The following TOM1 variants were observed in gnomAD, a reference collection of about 807,000 sequenced individuals.
The protein encoded by TOM1 is target of Myb protein 1.
Under a neutral mutation model 61.3 loss-of-function variants are expected in TOM1, and 38 were observed. The ratio of observed to expected loss-of-function variants is 0.62; its 90% CI spans 0.48 to 0.81. The LOEUF is 0.81. Ranked by LOEUF, TOM1 falls within the 40% of genes least tolerant of loss-of-function variation. TOM1 has a pLI of 0.00. For synonymous variants in TOM1, 270 were observed against 268.8 expected (o/e 1.00, Z -0.04); for missense variants, 591 against 659.6 (o/e 0.90, Z 1.14).
chr22:35,338,073 G>A (rs1293538759), intron 11 of TOM1, among the ~76,000 whole-genome samples: 3 of 152,102 alleles, frequency 2.0e-5, no homozygotes, highest in Non-Finnish European at 2.9e-5. Flanking sequence ...GCAACTGTGG[G>A]GTCAGCCTCT....
chr22:35,336,490 G>A (rs534011633), intron 11 of TOM1, among the ~76,000 whole-genome samples: 98 of 152,350 alleles, frequency 6.4e-4, no homozygotes, highest in Middle Eastern at 6.8e-3. Flanking sequence ...AGCTGGCACC[G>A]TCACAGCCTT....
chr22:35,333,583 T>G, intron 10 of TOM1, 86 bp downstream of exon 10: 2 of 1,180,466 alleles, frequency 1.7e-6, no homozygotes, highest in South Asian at 1.3e-5. Flanking sequence ...CCTTGTTATA[T>G]ACCCACAGCA....
At chr22:35,313,892 A>G (rs373916281) in intron 1 of TOM1, among the ~76,000 whole-genome samples, 8 of 152,246 alleles carry the variant, frequency 5.3e-5, no homozygotes, top group Non-Finnish European at 8.8e-5. Context: ...AGACAAGAGC[A>G]CAGCTGCTAC....
intron 1 of TOM1, among the ~76,000 whole-genome samples, chr22:35,304,136 T>C (rs202070444): frequency 6.6e-6 from 1 of 152,212 alleles, no homozygotes; most frequent in African/African-American, 2.4e-5. Flanking sequence ...TTTCCAGGGT[T>C]CCACAGCCAC....
chr22:35,342,146 A>T (rs1929927651), intron 12 of TOM1, among the ~76,000 whole-genome samples: 1 of 152,174 alleles, frequency 6.6e-6, no homozygotes, highest in African/African-American at 2.4e-5. Flanking sequence ...ATCTCAAAAA[A>T]AAAGAAACAG....
At chr22:35,332,148 G>A (rs1928893907) in intron 8 of TOM1, among the ~76,000 whole-genome samples, 2 of 152,114 alleles carry the variant, frequency 1.3e-5, no homozygotes, top group Admixed American at 6.5e-5. Context: ...TGGAAAGTGG[G>A]GGGTACCCTG....
Position 35,305,473 on chromosome 22 carries a change from A to G in TOM1, c.52+5493A>G, listed in dbSNP as rs1434940941. Among the ~76,000 whole-genome samples the G allele has an allele frequency of 4.6e-5, 7 of 152,146 alleles. No individual in the cohort carries two copies. In the East Asian group the frequency reaches 1.3e-3, roughly 29 times the overall value. ...TCAAGAAATTGAGACCATCCTGGCC[A>G]ACATGGTGAAACCCTGTCTCTACTA... On this transcript the variant is annotated intron_variant, in intron 1 of 14. Transcript: ENST00000449058.
At chr22:35,346,616 G>A (rs1930520623) in intron 13 of TOM1, among the ~76,000 whole-genome samples, 1 of 152,198 alleles carries the variant, frequency 6.6e-6, no homozygotes, top group African/African-American at 2.4e-5. Context: ...ACCAGGTGCT[G>A]GGCTTGGCGT....
At chr22:35,305,150 C>CT (rs1224598503) in intron 1 of TOM1, among the ~76,000 whole-genome samples, 1 of 152,354 alleles carries the variant, frequency 6.6e-6, no homozygotes, top group East Asian at 1.9e-4. Flanking sequence ...AAAGTGGACA[C>CT]TTAAGCGATG....
intron 12 of TOM1, among the ~76,000 whole-genome samples, chr22:35,341,940 C>T (rs1037163233): frequency 6.6e-6 from 1 of 152,118 alleles, no homozygotes; most frequent in East Asian, 1.9e-4. Flanking sequence ...AAGGCCTTCA[C>T]CCACTAAACC....
At chr22:35,305,900 T>C (rs1211160651) in intron 1 of TOM1, among the ~76,000 whole-genome samples, 2 of 102,724 alleles carry the variant, frequency 1.9e-5, no homozygotes, top group Non-Finnish European at 5.2e-5. Context: ...CCTGTGTTGG[T>C]TAGCAGACTA....
At chr22:35,337,720 T>C (rs1929497764) in intron 11 of TOM1, among the ~76,000 whole-genome samples, 3 of 152,236 alleles carry the variant, frequency 2.0e-5, no homozygotes, top group Admixed American at 6.5e-5. Flanking sequence ...CCAGCCCCGC[T>C]TCACTAGCGT....
In TOM1 at chr22:35,299,949, C is replaced by A. The variant is rs367708085; in HGVS notation, c.21C>A (p.Asn7Lys). 1 of 1,583,218 alleles carries A rather than the reference C, an allele frequency of 6.3e-7. No homozygotes were observed. Among genetic ancestry groups the A allele is most frequent in the Non-Finnish European group, 8.6e-7 (1 of 1,163,094 alleles). Residue 7 changes from asparagine (N) to lysine (K), a missense_variant, in exon 1 of 15, where the codon AAC becomes AAA. By Grantham distance (94) the Asn-to-Lys change is moderately conservative. Coordinates refer to ENST00000449058, the MANE Select transcript of TOM1 (RefSeq NM_005488.3). ...CAGCAATGGACTTTCTCCTGGGGAA[C>A]CCGTTCAGCTCTCCAGTGGGACAGC... is the stretch of plus-strand genomic sequence containing the variant. Reference protein sequence around the residue: MDFLLGNPFSSPVGQRI... With the variant: MDFLLGKPFSSPVGQRI...
intron 7 of TOM1, among the ~76,000 whole-genome samples, chr22:35,329,778 T>C (rs547260156): frequency 2.0e-5 from 3 of 152,230 alleles, no homozygotes; most frequent in Non-Finnish European, 4.4e-5. Flanking sequence ...TATTCTGGAA[T>C]CTGCACGAAG....
chr22:35,347,267 G>C lies in TOM1; in HGVS notation c.*58G>C. 1 of 1,510,180 alleles carries C rather than the reference G, an allele frequency of 6.6e-7. No homozygotes were observed. Among genetic ancestry groups the C allele is most frequent in the Non-Finnish European group, 8.9e-7 (1 of 1,124,496 alleles). The allele number at this position is 1,510,180 out of a possible 1,614,324, so 93.5% of individuals were successfully genotyped here. Reference sequence around the variant, plus strand: ...CCACTGCTCTCACACCCTTAGGCTGGGACCTCCCTCCCTCCTCTGGTGTTA... The same window carrying C: ...CCACTGCTCTCACACCCTTAGGCTGCGACCTCCCTCCCTCCTCTGGTGTTA... On this transcript the variant is annotated 3_prime_UTR_variant, in exon 15 of 15. Transcript: ENST00000449058.
intron 8 of TOM1, among the ~76,000 whole-genome samples, chr22:35,330,835 C>G (rs1178033070): frequency 4.6e-5 from 7 of 152,242 alleles, no homozygotes. Context: ...AGACAAGTGA[C>G]TTCACTGCTG....
chr22:35,310,417 G>T (rs1926719411), intron 1 of TOM1, among the ~76,000 whole-genome samples: 1 of 152,240 alleles, frequency 6.6e-6, no homozygotes, highest in Admixed American at 6.5e-5. Flanking sequence ...GCTGGGCATG[G>T]TGGCACACGC....
rs562967919 is a variant in TOM1, at chr22:35,335,652, C to T, written c.1148+1204C>T. 4.1e-4 allele frequency: 63 copies of T among 155,008 alleles called. No homozygotes were observed. The South Asian group carries it at 0.012, about 29-fold the overall frequency. The allele number at this position is 155,008 out of a possible 1,614,324, so 9.6% of individuals were successfully genotyped here. Reference sequence around the variant, plus strand: ...CCAGCCTGGCTGAGGTATGCTGTTGCGCTGTCCTTCCTCTGGGGAGCAGGC... The same window carrying T: ...CCAGCCTGGCTGAGGTATGCTGTTGTGCTGTCCTTCCTCTGGGGAGCAGGC... On this transcript the variant is annotated intron_variant, in intron 11 of 14. Coordinates refer to ENST00000449058, the MANE Select transcript of TOM1 (RefSeq NM_005488.3).
At position 35,314,145 on chromosome 22, in the gene TOM1, C is replaced by G. The variant is rs973620680; in HGVS notation, c.53-3732C>G. On this transcript the variant is annotated intron_variant, in intron 1 of 14. Coordinates refer to ENST00000449058, the MANE Select transcript of TOM1 (RefSeq NM_005488.3). ...GAAATCCACATGATTCACCGCAATC[C>G]TGTTGTCCACACCTGGACCTGGAGG... 2.6e-5 allele frequency among the ~76,000 whole-genome samples: 4 copies of G among 152,340 alleles called. No individual in the cohort carries two copies. In the South Asian group the frequency reaches 8.3e-4, roughly 32 times the overall value.
Sources: gnomAD v4.1 joint callset for allele counts (sites outside exome capture counted in the v4.1 genomes callset) on GRCh38, gnomAD v4.1.1 for gene constraint, MANE v1.5 for transcripts, NCBI Gene and HGNC (gene_info 2026-07-23, HGNC 2026-07-21) for gene names.